The following RBM27 variants were observed in gnomAD, a reference collection of about 807,000 sequenced individuals.
The protein encoded by RBM27 is RNA binding motif protein 27, also known as RNA-binding protein 27.
A neutral mutation model predicts 135.3 loss-of-function variants in RBM27; 22 were observed. The observed-to-expected ratio is 0.16, with a 90% CI of 0.12 to 0.23. The LOEUF (loss-of-function observed/expected upper bound fraction) is 0.23, where lower values mean the gene tolerates loss of function less well. RBM27 is among the 10% of genes least tolerant of loss of function. RBM27 has a pLI of 1.00. For synonymous variants in RBM27, 481 were observed against 442.4 expected, an observed-to-expected ratio of 1.09 and a Z score of -1.10; for missense variants, 1,009 against 1,281.0, an observed-to-expected ratio of 0.79 and a Z score of 3.24.
chr5:146,277,285 C>T (rs1759131585), intron 19 of RBM27, among the ~76,000 whole-genome samples: 1 of 152,086 alleles, frequency 6.6e-6, no homozygotes, highest in Non-Finnish European at 1.5e-5. Context: ...TGTATACATA[C>T]TACCCATGCT....
At chr5:146,210,097 T>G (rs1281227684) in intron 1 of RBM27, among the ~76,000 whole-genome samples, 2 of 152,230 alleles carry the variant, frequency 1.3e-5, no homozygotes, top group East Asian at 1.9e-4. Context: ...TTATTTGTTT[T>G]CGTATCCACC....
rs182602943 is a variant in RBM27 at position 146,232,939 on chromosome 5, A to G, written c.851-511A>G. 7.9e-5 allele frequency among the ~76,000 whole-genome samples: 12 copies of G among 152,246 alleles called. No homozygotes were observed. The East Asian group carries it at 2.3e-3, about 29-fold the overall frequency. On this transcript the variant is annotated intron_variant, in intron 6 of 20. Transcript: ENST00000265271. Reference sequence around the variant, plus strand: ...ATTGATGTATGTTTGGGATGTTTCTATTATTTTTCTACTATGTACAGTGCT... The same window carrying G: ...ATTGATGTATGTTTGGGATGTTTCTGTTATTTTTCTACTATGTACAGTGCT...
chr5:146,248,895 A>C (rs1364250325), intron 8 of RBM27, among the ~76,000 whole-genome samples: 1 of 152,260 alleles, frequency 6.6e-6, no homozygotes, highest in Non-Finnish European at 1.5e-5. Context: ...TTAGTACATC[A>C]AGTGATGTAT....
intron 1 of RBM27, among the ~76,000 whole-genome samples, chr5:146,214,935 A>G (rs1056715532): frequency 6.6e-6 from 1 of 152,296 alleles, no homozygotes; most frequent in South Asian, 2.1e-4. Context: ...ACTTTCCTGT[A>G]TATTCATCTT....
intron 1 of RBM27, 33 bp downstream of exon 1, chr5:146,203,857 A>G: frequency 1.7e-6 from 2 of 1,163,342 alleles, no homozygotes; most frequent in South Asian, 3.0e-5. Flanking sequence ...GGGCCGGCGA[A>G]CGTGGGCGTT....
intron 1 of RBM27, among the ~76,000 whole-genome samples, chr5:146,213,195 C>T (rs1182249159): frequency 2.0e-5 from 3 of 151,506 alleles, no homozygotes; most frequent in African/African-American, 4.9e-5. Context: ...CACCGCCTCC[C>T]GGGTTCAAGC....
intron 3 of RBM27, among the ~76,000 whole-genome samples, chr5:146,224,989 G>T (rs1436842700): frequency 6.6e-6 from 1 of 152,044 alleles, no homozygotes; most frequent in Admixed American, 6.6e-5. Flanking sequence ...CTACATATAA[G>T]GAATATTCTC....
chr5:146,270,742 A>G (rs1758826546), intron 17 of RBM27, among the ~76,000 whole-genome samples: 1 of 152,154 alleles, frequency 6.6e-6, no homozygotes. Flanking sequence ...TAAGCCGTCT[A>G]ATGCTTACTC....
At chr5:146,259,336 A>G (rs1426341609) in intron 11 of RBM27, among the ~76,000 whole-genome samples, 2 of 151,010 alleles carry the variant, frequency 1.3e-5, no homozygotes, top group East Asian at 4.0e-4. Context: ...ACCAAAATGG[A>G]GAAAGCCAAA....
chr5:146,204,334 G>T (rs575456334), intron 1 of RBM27, among the ~76,000 whole-genome samples: 1 of 152,168 alleles, frequency 6.6e-6, no homozygotes, highest in Admixed American at 6.5e-5. Context: ...ACTGTATAGC[G>T]ATTATTGGTA....
At chr5:146,208,401 G>A (rs1272152058) in intron 1 of RBM27, among the ~76,000 whole-genome samples, 2 of 152,178 alleles carry the variant, frequency 1.3e-5, no homozygotes, top group African/African-American at 4.8e-5. Flanking sequence ...TTAGAGGAAG[G>A]ACAGGAGGGA....
intron 1 of RBM27, 37 bp from the exon 2 acceptor site, chr5:146,218,948 G>A (rs951504245): frequency 2.9e-6 from 4 of 1,373,544 alleles, no homozygotes; most frequent in Non-Finnish European, 4.0e-6. Context: ...GATAAAAAGT[G>A]TTTTTTAAAA....
rs111272499 is a variant in RBM27 at position 146,237,024 on chromosome 5, C to T, written c.1145-274C>T. Among the ~76,000 whole-genome samples the T allele has an allele frequency of 4.3e-3, 647 of 150,290 alleles. 4 individuals are homozygous for T. The highest frequency in any genetic ancestry group is 0.015 in the African/African-American group (591 of 40,746). On this transcript the variant is annotated intron_variant, in intron 7 of 20. Coordinates refer to ENST00000265271, the MANE Select transcript of RBM27 (RefSeq NM_018989.2). ...TGCGATCTCGGCTCACCGCAACCTCCGCGTCCCAGGTTCAAGCGATTCTCC... is the reference window on the plus strand; with the variant it reads ...TGCGATCTCGGCTCACCGCAACCTCTGCGTCCCAGGTTCAAGCGATTCTCC...
chr5:146,221,633 T>C (rs1034509313), intron 2 of RBM27, among the ~76,000 whole-genome samples: 1 of 152,172 alleles, frequency 6.6e-6, no homozygotes, highest in Non-Finnish European at 1.5e-5. Context: ...GGTTTCACCA[T>C]GTTGGCCAGG....
At chr5:146,243,429 A>G (rs1383245668) in intron 8 of RBM27, among the ~76,000 whole-genome samples, 1 of 152,170 alleles carries the variant, frequency 6.6e-6, no homozygotes, top group Non-Finnish European at 1.5e-5. Context: ...TTGAGTGCCA[A>G]TATGATGCTC....
chr5:146,285,410 A>C (rs971626471), intron 20 of RBM27, among the ~76,000 whole-genome samples: 2 of 152,122 alleles, frequency 1.3e-5, no homozygotes, highest in Non-Finnish European at 2.9e-5. Flanking sequence ...AAAAGCAGAA[A>C]TGTTCCCTAG....
intron 14 of RBM27, among the ~76,000 whole-genome samples, chr5:146,266,359 A>G (rs950452450): frequency 3.3e-5 from 5 of 152,226 alleles, no homozygotes; most frequent in African/African-American, 1.2e-4. Flanking sequence ...GAAGTAAAGG[A>G]GACTATAAAG....
In RBM27 at chr5:146,255,013, A is replaced by G. The variant is rs746444856; in HGVS notation, c.1515A>G (p.Arg505=). 4.4e-6 allele frequency: 7 copies of G among 1,600,212 alleles called. No homozygotes were observed. Among genetic ancestry groups the G allele is most frequent in the South Asian group, 2.2e-5 (2 of 90,790 alleles). ...CTAGTTCTGGTAGATCTCAGTACAG[A>G]CAGTTCTTTTCAAGAACTCAGACAC... is the stretch of plus-strand genomic sequence containing the variant. ...SITSSGRSQY[R]QFFSRTQTQR... The change falls in exon 10 of 21, where the codon AGA becomes AGG. Residue 505 remains arginine, a synonymous_variant. Coordinates refer to ENST00000265271, the MANE Select transcript of RBM27 (RefSeq NM_018989.2).
intron 1 of RBM27, among the ~76,000 whole-genome samples, chr5:146,210,983 C>T (rs1224245206): frequency 6.6e-6 from 1 of 151,324 alleles, no homozygotes; most frequent in Non-Finnish European, 1.5e-5. Context: ...TTATAAATTG[C>T]CTAGTTGGCT....
Sources: gnomAD v4.1 joint callset for allele counts (sites outside exome capture counted in the v4.1 genomes callset) on GRCh38, gnomAD v4.1.1 for gene constraint, MANE v1.5 for transcripts, NCBI Gene and HGNC (gene_info 2026-07-23, HGNC 2026-07-21) for gene names.